Variants in TRPV1 observed in about 807,000 individuals in gnomAD.
TRPV1 encodes the protein OTRPC1.
Under a neutral mutation model 82.3 loss-of-function variants are expected in TRPV1, and 82 were observed. The ratio of observed to expected loss-of-function variants is 1.00; its 90% CI spans 0.83 to 1.20. The LOEUF is 1.20. Among genes scored for constraint, TRPV1 ranks in the 50% most tolerant of loss-of-function variants. The pLI, the probability that TRPV1 is intolerant of heterozygous loss-of-function variation, is 0.00. For synonymous variants in TRPV1, 515 were observed against 467.7 expected (o/e 1.10, Z -1.30); for missense variants, 1,067 against 1,096.8 (o/e 0.97, Z 0.38).
Position 3,577,578 on chromosome 17 carries a change from C to G in TRPV1, c.1713+20G>C, listed in dbSNP as rs202111207. ...GGTAAGCGGGCTCTGAGGAGACCCA[C>G]TGGGGCCCAGGGAACCCACCTTCTC... On this transcript the variant is annotated intron_variant, in intron 12 of 16. Coordinates refer to ENST00000572705, the MANE Select transcript of TRPV1 (RefSeq NM_080704.4). 1.3e-6 allele frequency: 2 copies of G among 1,564,142 alleles called. No individual in the cohort carries two copies. The highest frequency in any genetic ancestry group is 1.9e-5 in the Admixed American group (1 of 52,382).
At chr17:3,594,663 G>T (rs182736994) in intron 2 of TRPV1, among the ~76,000 whole-genome samples, 140 of 152,324 alleles carry the variant, frequency 9.2e-4, no homozygotes, top group Non-Finnish European at 1.6e-3. Flanking sequence ...ACAGAAAGCC[G>T]ATTCCCTCAT....
intron 11 of TRPV1, 49 bp downstream of exon 11, chr17:3,580,408 T>C: frequency 6.2e-7 from 1 of 1,601,408 alleles, no homozygotes; most frequent in African/African-American, 1.3e-5. Context: ...TGAGAACTGA[T>C]TGCGGTCACC....
intron 8 of TRPV1, 91 bp downstream of exon 8, chr17:3,588,097 G>A: frequency 6.9e-7 from 1 of 1,454,820 alleles, no homozygotes; most frequent in Non-Finnish European, 9.2e-7. Context: ...TTTCCCTCCT[G>A]AGAAGCCAGC....
At position 3,589,920 on chromosome 17, in the gene TRPV1, T is replaced by C; in HGVS notation, c.931A>G (p.Asn311Asp). Residue 311 changes from asparagine (N) to aspartate (D), a missense_variant, in exon 7 of 17, where the codon AAT becomes GAT. Coordinates refer to ENST00000572705, the MANE Select transcript of TRPV1 (RefSeq NM_080704.4). ...TTGGCCCCCAGCATCAGAATCTCAT[T>C]GTACATGCTCGTCACAAACTTCGTG... ...DNTKFVTSMY[N>D]EILMLGAKLH... 1.9e-6 allele frequency: 3 copies of C among 1,589,554 alleles called. No individual in the cohort carries two copies. The highest frequency in any genetic ancestry group is 2.6e-6 in the Non-Finnish European group (3 of 1,168,528).
At chr17:3,594,515 C>G (rs1345754079) in intron 2 of TRPV1, among the ~76,000 whole-genome samples, 1 of 152,202 alleles carries the variant, frequency 6.6e-6, no homozygotes. Context: ...AGCCTCACCA[C>G]TCCGCAGGCT....
At chr17:3,567,927 G>A (rs762452530) in intron 16 of TRPV1, among the ~76,000 whole-genome samples, 3 of 152,118 alleles carry the variant, frequency 2.0e-5, no homozygotes, top group African/African-American at 7.2e-5. Context: ...GTTGTAAACC[G>A]CCAACACTGT....
chr17:3,604,633 AAAAG>A (rs2075285794), intron 2 of TRPV1, among the ~76,000 whole-genome samples: 1 of 152,020 alleles, frequency 6.6e-6, no homozygotes, highest in South Asian at 2.1e-4. Flanking sequence ...GAAAAAGAAA[AAAAG>A]AAGAAGAAGA....
In TRPV1 at chr17:3,592,389, G is replaced by A; in HGVS notation, c.-33-6C>T. ...TCTGTGGCCCAGTGTGCAACCTGCA[G>A]CAGCCACCACGCCGGGGTTGACTCC... On this transcript the variant is annotated splice_polypyrimidine_tract_variant and splice_region_variant and intron_variant, in intron 2 of 16. Coordinates refer to ENST00000572705, the MANE Select transcript of TRPV1 (RefSeq NM_080704.4). The A allele has an allele frequency of 6.4e-7, 1 of 1,553,162 alleles. No individual in the cohort carries two copies. The highest frequency in any genetic ancestry group is 8.7e-7 in the Non-Finnish European group (1 of 1,149,196).
At position 3,572,194 on chromosome 17, in the gene TRPV1, G is replaced by C. The variant is rs753686050; in HGVS notation, c.2159C>G (p.Ala720Gly). ...EKSFLKCMRK[A>G]FRSGKLLQVG... The stretch of plus-strand genomic sequence containing the variant: ...CTGCAGCAGCTTGCCTGAGCGGAAG[G>C]CCTTCCTCATGCACTTAAGGAAGCT... Residue 720 changes from alanine (A) to glycine (G), a missense_variant, in exon 15 of 17, where the codon GCC becomes GGC. By Grantham distance (60) the Ala-to-Gly change is moderately conservative (BLOSUM62 0). Coordinates refer to ENST00000572705, the MANE Select transcript of TRPV1 (RefSeq NM_080704.4). 17 of 1,613,004 alleles carry C rather than the reference G, an allele frequency of 1.1e-5. No homozygotes were observed. In the Admixed American group the frequency reaches 2.5e-4, roughly 24 times the overall value.
rs200023462 is a variant in TRPV1, at chr17:3,592,083, C to T, written c.268G>A (p.Gly90Ser). 3.7e-6 allele frequency: 6 copies of T among 1,612,134 alleles called. No homozygotes were observed. Among genetic ancestry groups the T allele is most frequent in the South Asian group, 2.2e-5 (2 of 91,046 alleles). ...CGGACTTACCTGGCACCGGTGGGGC[C>T]GTCTCCTGGCCTCTGGATGGTGATA... Reference protein sequence around the residue: ...PVITIQRPGDGPTGARLLSQD... With the variant: ...PVITIQRPGDSPTGARLLSQD... Residue 90 changes from glycine (G) to serine (S), a missense_variant, in exon 3 of 17, where the codon GGC becomes AGC. Transcript: ENST00000572705.
intron 10 of TRPV1, among the ~76,000 whole-genome samples, 172 bp downstream of exon 10, chr17:3,583,166 C>G (rs994301355): frequency 4.6e-5 from 7 of 152,142 alleles, no homozygotes; most frequent in Admixed American, 2.0e-4. Flanking sequence ...AGCACCCTCC[C>G]GCCCCGCGGT....
At chr17:3,582,622 A>C (rs999080934) in intron 10 of TRPV1, among the ~76,000 whole-genome samples, 9 of 152,106 alleles carry the variant, frequency 5.9e-5, no homozygotes, top group African/African-American at 2.2e-4. Flanking sequence ...AAAAAAAAAA[A>C]AATGGCCAAG....
rs369060399 is a variant in TRPV1 at position 3,568,432 on chromosome 17, A to T, written c.2348-1445T>A. On this transcript the variant is annotated intron_variant, in intron 16 of 16. Coordinates refer to ENST00000572705, the MANE Select transcript of TRPV1 (RefSeq NM_080704.4). Reference sequence around the variant, plus strand: ...CCAGTTAACAACTGACAAAGAGATCATCAATAAGCATTATTACAGGATGCA... The same window carrying T: ...CCAGTTAACAACTGACAAAGAGATCTTCAATAAGCATTATTACAGGATGCA... Among the ~76,000 whole-genome samples the T allele has an allele frequency of 2.6e-5, 4 of 152,236 alleles. No homozygotes were observed. The East Asian group carries it at 7.7e-4, about 29-fold the overall frequency.
Position 3,593,114 on chromosome 17 carries a change from G to C in TRPV1, c.-33-731C>G, listed in dbSNP as rs774595836. Among the ~76,000 whole-genome samples, 805 of 96,624 alleles carry C rather than the reference G, an allele frequency of 8.3e-3. 13 individuals carry two copies. The highest frequency in any genetic ancestry group is 0.068 in the African/African-American group (728 of 10,662). 63.4% of individuals were successfully genotyped at this position (96,624 alleles called of 152,430 possible). A position where few individuals can be genotyped will look rare whatever the true frequency, so the allele number is the denominator to read the frequency against. ...TGTGTGTGTGTGTGTGTGTGTGTGT[G>C]TGTGTGTGTGTGTGTGTGTGTGTCT... is the stretch of plus-strand genomic sequence containing the variant. On this transcript the variant is annotated intron_variant, in intron 2 of 16. Coordinates refer to ENST00000572705, the MANE Select transcript of TRPV1 (RefSeq NM_080704.4).
At chr17:3,580,920 G>A (rs917020018) in intron 10 of TRPV1, among the ~76,000 whole-genome samples, 1 of 151,840 alleles carries the variant, frequency 6.6e-6, no homozygotes, top group South Asian at 2.1e-4. Flanking sequence ...TCATGAGGCT[G>A]AGGCAAGAAA....
chr17:3,574,023 C>A, intron 13 of TRPV1, 68 bp from the exon 14 acceptor site: 1 of 1,309,338 alleles, frequency 7.6e-7, no homozygotes, highest in Middle Eastern at 2.3e-4. Flanking sequence ...CTGACATACA[C>A]CCTCCTGCTC....
rs1334014134 is a variant in TRPV1, at chr17:3,571,530, T to C, written c.2341A>G (p.Ser781Gly). ...ACCGGCCCTCACGCCTCACCTCTGC[T>C]TGACCGCAGGGAGAAGCTCAGGGTG... ...KRTLSFSLRS[S>G]RVSGRHWKNF... The change falls in exon 16 of 17, where the codon AGC becomes GGC. Residue 781 changes from serine to glycine, a missense_variant. By Grantham distance (56) the Ser-to-Gly change is moderately conservative. Coordinates refer to ENST00000572705, the MANE Select transcript of TRPV1 (RefSeq NM_080704.4). 2 of 1,600,898 alleles carry C rather than the reference T, an allele frequency of 1.2e-6. No homozygotes were observed. The highest frequency in any genetic ancestry group is 1.7e-6 in the Non-Finnish European group (2 of 1,173,920).
At chr17:3,580,324 G>A (rs1758363082) in intron 11 of TRPV1, 133 bp downstream of exon 11, 8 of 892,674 alleles carry the variant, frequency 9.0e-6, no homozygotes, top group Non-Finnish European at 5.6e-6. Context: ...TGTATTCAGT[G>A]CCTTCCGTCA....
chr17:3,581,826 A>G (rs1396829598), intron 10 of TRPV1, among the ~76,000 whole-genome samples: 1 of 147,688 alleles, frequency 6.8e-6, no homozygotes, highest in African/African-American at 2.5e-5. Flanking sequence ...TGGAGGTTGC[A>G]GTGAGCCAAG....
Sources: gnomAD v4.1 joint callset for allele counts (sites outside exome capture counted in the v4.1 genomes callset) on GRCh38, gnomAD v4.1.1 for gene constraint, MANE v1.5 for transcripts, NCBI Gene and HGNC (gene_info 2026-07-23, HGNC 2026-07-21) for gene names.